Variants in IQGAP2 observed in about 807,000 individuals in gnomAD.
IQGAP2 encodes the protein IQ motif containing GTPase activating protein 2.
In IQGAP2, 173 loss-of-function variants were observed where a neutral mutation model predicts 201.3. The observed-to-expected ratio is 0.86, with a 90% confidence interval of 0.76 to 0.98. The LOEUF (loss-of-function observed/expected upper bound fraction) is 0.98, where lower values mean the gene tolerates loss of function less well. IQGAP2 is among the 50% of genes least tolerant of loss of function. IQGAP2 has a pLI of 0.00. For synonymous variants in IQGAP2, 675 were observed against 673.9 expected (o/e 1.00, Z -0.03); for missense variants, 1,687 against 1,864.8 (o/e 0.90, Z 1.76).
chr5:76,518,132 G>C (rs376722148), intron 2 of IQGAP2, among the ~76,000 whole-genome samples: 3 of 152,034 alleles, frequency 2.0e-5, no homozygotes, highest in Admixed American at 1.3e-4. Context: ...TAATTTTTCT[G>C]TATTTTTTTA....
At chr5:76,573,416 T>G (rs1486853625) in intron 4 of IQGAP2, among the ~76,000 whole-genome samples, 2 of 152,238 alleles carry the variant, frequency 1.3e-5, no homozygotes, top group Admixed American at 6.5e-5. Context: ...CTCAGTATCA[T>G]GCTAGGTGCC....
At chr5:76,516,303 T>C (rs1194186466) in intron 2 of IQGAP2, among the ~76,000 whole-genome samples, 1 of 152,218 alleles carries the variant, frequency 6.6e-6, no homozygotes, top group African/African-American at 2.4e-5. Flanking sequence ...ATTCTTAAAA[T>C]ATTAGGTTGT....
intron 2 of IQGAP2, among the ~76,000 whole-genome samples, chr5:76,536,065 C>CTTTTTTTTTTTTT: frequency 8.1e-6 from 1 of 123,744 alleles, no homozygotes; most frequent in Non-Finnish European, 1.6e-5. Flanking sequence ...GGAGCATATT[C>CTTTTTTTTTTTTT]TTTTTTTTTT....
At chr5:76,526,998 G>A (rs977926846) in intron 2 of IQGAP2, among the ~76,000 whole-genome samples, 4 of 152,170 alleles carry the variant, frequency 2.6e-5, no homozygotes, top group African/African-American at 9.7e-5. Flanking sequence ...TTAAAGGCAG[G>A]ATACTGAGTG....
In IQGAP2 at chr5:76,590,444, A is replaced by C. The variant is rs374036965; in HGVS notation, c.677A>C (p.Glu226Ala). 7 of 1,608,060 alleles carry C rather than the reference A, an allele frequency of 4.4e-6. No homozygotes were observed. The highest frequency in any genetic ancestry group is 1.3e-5 in the African/African-American group (1 of 74,668). Reference sequence around the variant, plus strand: ...GTTATAGCCATTAATGAAGCAGTTGAAAAAGGAATAGCAGAGCAAACCGTT... The same window carrying C: ...GTTATAGCCATTAATGAAGCAGTTGCAAAAGGAATAGCAGAGCAAACCGTT... ...AAVIAINEAV[E>A]KGIAEQTVVT... The change falls in exon 8 of 36, where the codon GAA becomes GCA. Residue 226 changes from glutamate to alanine, a missense_variant. By Grantham distance (107) the Glu-to-Ala change is moderately radical. Transcript: ENST00000274364.
intron 2 of IQGAP2, among the ~76,000 whole-genome samples, chr5:76,538,650 A>G (rs1440199449): frequency 6.6e-6 from 1 of 152,240 alleles, no homozygotes; most frequent in Non-Finnish European, 1.5e-5. Flanking sequence ...AAATGGGTTT[A>G]ACTTTCTCTA....
intron 30 of IQGAP2, among the ~76,000 whole-genome samples, chr5:76,686,065 C>A (rs893016572): frequency 2.6e-5 from 4 of 152,274 alleles, no homozygotes; most frequent in Middle Eastern, 3.4e-3. Context: ...TGTTGAGGAT[C>A]CTTCCATATG....
At chr5:76,441,506 C>T (rs910744881) in intron 1 of IQGAP2, 11 of 985,154 alleles carry the variant, frequency 1.1e-5, no homozygotes, top group Non-Finnish European at 1.3e-5. Context: ...TGGAAGAAAG[C>T]GAGCATGTTG....
intron 5 of IQGAP2, among the ~76,000 whole-genome samples, chr5:76,575,985 C>T (rs879234593): frequency 1.3e-5 from 2 of 152,052 alleles, no homozygotes; most frequent in South Asian, 2.1e-4. Flanking sequence ...AAATCTAACT[C>T]AAAATAGAAA....
rs573618132 is a variant in IQGAP2, at chr5:76,644,455, A to G, written c.2094+3352A>G. Among the ~76,000 whole-genome samples, 899 of 151,774 alleles carry G rather than the reference A, an allele frequency of 5.9e-3. 5 individuals carry two copies. Among genetic ancestry groups the G allele is most frequent in the Non-Finnish European group, 8.2e-3 (555 of 67,900 alleles). On this transcript the variant is annotated intron_variant, in intron 17 of 35. Transcript: ENST00000274364. ...GCTGGGATTACTGGCATGCGCCACCACACCCAGCTCATTTTGGTATTTTTT... is the reference window on the plus strand; with the variant it reads ...GCTGGGATTACTGGCATGCGCCACCGCACCCAGCTCATTTTGGTATTTTTT...
intron 3 of IQGAP2, among the ~76,000 whole-genome samples, chr5:76,567,076 A>T (rs1266103859): frequency 1.3e-5 from 2 of 152,172 alleles, no homozygotes; most frequent in Non-Finnish European, 2.9e-5. Context: ...TTCTTGTCAA[A>T]TAGGTAGGTG....
At chr5:76,699,965 A>C (rs13356655) in intron 33 of IQGAP2, among the ~76,000 whole-genome samples, 32,690 of 37,702 alleles carry the variant, frequency 0.87, 14,123 homozygotes, top group Middle Eastern at 0.93. Flanking sequence ...CTCTCTCTCT[A>C]TATATATATA....
chr5:76,683,276 G>C, intron 29 of IQGAP2, 59 bp downstream of exon 29: 1 of 1,195,282 alleles, frequency 8.4e-7, no homozygotes, highest in South Asian at 1.3e-5. Context: ...TGGGTTGGTT[G>C]GTTGGTTCGT....
intron 2 of IQGAP2, among the ~76,000 whole-genome samples, chr5:76,509,259 G>T: frequency 6.6e-6 from 1 of 152,152 alleles, no homozygotes; most frequent in Admixed American, 6.5e-5. Context: ...CTTCACAAAT[G>T]ATGTGTAGAA....
chr5:76,640,856 T>G (rs1751515766), intron 16 of IQGAP2, 77 bp from the exon 17 acceptor site: 1 of 1,083,234 alleles, frequency 9.2e-7, no homozygotes, highest in African/African-American at 1.6e-5. Flanking sequence ...TTCTAAAAGA[T>G]AAAATATCAG....
chr5:76,590,902 T>TATA (rs1177005045), intron 8 of IQGAP2, among the ~76,000 whole-genome samples: 1 of 151,852 alleles, frequency 6.6e-6, no homozygotes, highest in Non-Finnish European at 1.5e-5. Context: ...GCCTGCGCGC[T>TATA]ATAGTGAGAC....
At position 76,707,322 on chromosome 5, in the gene IQGAP2, C is replaced by T. The variant is rs1016999794; in HGVS notation, c.*9C>T. The T allele has an allele frequency of 1.6e-6, 2 of 1,220,082 alleles. No individual in the cohort carries two copies. The highest frequency in any genetic ancestry group is 2.4e-6 in the Non-Finnish European group (2 of 824,532). The allele number at this position is 1,220,082 out of a possible 1,614,324, so 75.6% of individuals were successfully genotyped here. A position where few individuals can be genotyped will look rare whatever the true frequency, so the allele number is the denominator to read the frequency against. On this transcript the variant is annotated 3_prime_UTR_variant, in exon 36 of 36. Transcript: ENST00000274364. ...AGTTCTATGGAAAGTGAAGTGCCTA[C>T]AGAAATTTCTTGGATTCTGTATCAT...
At chr5:76,465,337 G>A (rs1754709557) in intron 2 of IQGAP2, among the ~76,000 whole-genome samples, 1 of 152,162 alleles carries the variant, frequency 6.6e-6, no homozygotes, top group African/African-American at 2.4e-5. Flanking sequence ...TGCAGGAGAA[G>A]CATTTGGTAA....
At chr5:76,656,906 A>T (rs995666474) in intron 20 of IQGAP2, among the ~76,000 whole-genome samples, 5 of 139,798 alleles carry the variant, frequency 3.6e-5, no homozygotes, top group African/African-American at 2.6e-5. Flanking sequence ...TAAAAAAAAA[A>T]ATAACTTTTC....
Sources: allele counts gnomAD v4.1 joint callset (sites outside exome capture counted in the v4.1 genomes callset), GRCh38; gene constraint gnomAD v4.1.1; transcripts MANE v1.5; gene names NCBI Gene and HGNC (gene_info 2026-07-23, HGNC 2026-07-21).